Variants in IQCM observed in about 807,000 individuals in gnomAD.
The protein encoded by IQCM is IQ motif containing M.
In IQCM, 45 loss-of-function variants were observed where a neutral mutation model predicts 57.6. The ratio of observed to expected loss-of-function variants is 0.78; its 90% confidence interval spans 0.62 to 1.00. The LOEUF is 1.00. Among genes scored for constraint, IQCM ranks in the 50% least tolerant of loss-of-function variants. The pLI is 0.00. For missense variants in IQCM, 468 were observed against 511.6 expected (o/e 0.91, Z 0.82); for synonymous variants, 148 against 158.9 (o/e 0.93, Z 0.51).
At chr4:149,592,443 C>A (rs1561032679) in intron 8 of IQCM, among the ~76,000 whole-genome samples, 1 of 152,028 alleles carries the variant, frequency 6.6e-6, no homozygotes, top group Non-Finnish European at 1.5e-5. Context: ...TTCTGCTGTG[C>A]AGAAGCTCTT....
intron 5 of IQCM, among the ~76,000 whole-genome samples, chr4:149,715,307 T>C (rs933985594): frequency 2.6e-5 from 4 of 152,194 alleles, no homozygotes; most frequent in African/African-American, 9.6e-5. Context: ...AGCCACTGCA[T>C]ACAGTCAGTA....
At chr4:149,510,524 T>A (rs1234211263) in intron 12 of IQCM, among the ~76,000 whole-genome samples, 1 of 152,140 alleles carries the variant, frequency 6.6e-6, no homozygotes, top group African/African-American at 2.4e-5. Flanking sequence ...AATACTGAAA[T>A]CCCCTCACCT....
At chr4:149,670,905 C>A (rs1761204390) in intron 7 of IQCM, among the ~76,000 whole-genome samples, 1 of 151,002 alleles carries the variant, frequency 6.6e-6, no homozygotes, top group Admixed American at 6.6e-5. Flanking sequence ...ATTTTTACAT[C>A]AATGTTCATC....
At chr4:149,550,976 A>G (rs761950234) in intron 11 of IQCM, among the ~76,000 whole-genome samples, 14 of 152,160 alleles carry the variant, frequency 9.2e-5, no homozygotes, top group Non-Finnish European at 1.9e-4. Context: ...ATGTTAGCCT[A>G]TTCTCAACAA....
intron 12 of IQCM, among the ~76,000 whole-genome samples, chr4:149,523,504 T>C (rs933563736): frequency 4.6e-5 from 7 of 152,234 alleles, no homozygotes; most frequent in Non-Finnish European, 1.0e-4. Context: ...AATATGTTTA[T>C]GGAAAGTCAG....
At chr4:149,352,264 T>C (rs1289067957) in intron 13 of IQCM, among the ~76,000 whole-genome samples, 198 bp from the exon 14 acceptor site, 2 of 152,158 alleles carry the variant, frequency 1.3e-5, no homozygotes, top group Non-Finnish European at 2.9e-5. Flanking sequence ...AAAGTTACTG[T>C]TAGACCAAAG....
At chr4:149,448,610 A>C (rs1242295754) in intron 12 of IQCM, among the ~76,000 whole-genome samples, 1 of 151,810 alleles carries the variant, frequency 6.6e-6, no homozygotes, top group African/African-American at 2.4e-5. Context: ...CAAAAAAAGA[A>C]GACAAAAAAT....
chr4:149,480,529 G>A (rs1015801283), intron 12 of IQCM, among the ~76,000 whole-genome samples: 3 of 152,028 alleles, frequency 2.0e-5, no homozygotes, highest in African/African-American at 7.2e-5. Flanking sequence ...GTATTTCTGT[G>A]CCTGGTTTAT....
intron 8 of IQCM, among the ~76,000 whole-genome samples, chr4:149,591,461 T>A (rs1046880830): frequency 3.3e-5 from 5 of 152,100 alleles, no homozygotes; most frequent in African/African-American, 1.2e-4. Flanking sequence ...AAAGGTTTTT[T>A]TTTTTAATAC....
intron 13 of IQCM, among the ~76,000 whole-genome samples, chr4:149,384,691 C>A (rs1731295960): frequency 6.6e-6 from 1 of 151,996 alleles, no homozygotes; most frequent in African/African-American, 2.4e-5. Flanking sequence ...CCCTCTCTAA[C>A]TACACATGTA....
chr4:149,807,099 A>G (rs1774153582), intron 2 of IQCM, among the ~76,000 whole-genome samples: 1 of 151,976 alleles, frequency 6.6e-6, no homozygotes, highest in African/African-American at 2.4e-5. Context: ...AACAATCTAC[A>G]TATCCAACAC....
intron 9 of IQCM, among the ~76,000 whole-genome samples, chr4:149,570,874 T>C (rs1405417303): frequency 6.6e-6 from 1 of 151,894 alleles, no homozygotes; most frequent in Non-Finnish European, 1.5e-5. Context: ...GACATACAAA[T>C]TGCCAAAACA....
At chr4:149,579,145 A>G (rs2149980262) in intron 9 of IQCM, among the ~76,000 whole-genome samples, 1 of 151,830 alleles carries the variant, frequency 6.6e-6, no homozygotes, top group African/African-American at 2.4e-5. Context: ...TACATGCAGG[A>G]GTCACACCTA....
At chr4:149,815,134 A>G (rs1037836398) in intron 2 of IQCM, among the ~76,000 whole-genome samples, 177 bp downstream of exon 2, 3 of 151,994 alleles carry the variant, frequency 2.0e-5, no homozygotes, top group African/African-American at 4.8e-5. Flanking sequence ...AAAATCATTT[A>G]GCCTTTAAAA....
intron 7 of IQCM, among the ~76,000 whole-genome samples, chr4:149,622,198 TA>T (rs1344673917): frequency 1.3e-5 from 2 of 152,176 alleles, no homozygotes; most frequent in African/African-American, 4.8e-5. Flanking sequence ...AATCAGTACA[TA>T]AACATTCTGC....
At chr4:149,551,714 A>T (rs901996052) in intron 11 of IQCM, among the ~76,000 whole-genome samples, 3 of 63,046 alleles carry the variant, frequency 4.8e-5, no homozygotes, top group African/African-American at 2.6e-4. Flanking sequence ...ATAAACTACT[A>T]TTCATAAAAA....
intron 9 of IQCM, among the ~76,000 whole-genome samples, chr4:149,567,170 C>T (rs1750714036): frequency 1.3e-5 from 2 of 151,954 alleles, no homozygotes; most frequent in Admixed American, 6.6e-5. Context: ...TCTTTTTTCT[C>T]TTCTTTGTGA....
chr4:149,710,677 T>C (rs1764493068), intron 5 of IQCM, among the ~76,000 whole-genome samples: 1 of 152,170 alleles, frequency 6.6e-6, no homozygotes, highest in African/African-American at 2.4e-5. Flanking sequence ...CTTTAAAATA[T>C]CTGTATAACA....
chr4:149,450,860 G>T (rs904369596), intron 12 of IQCM, among the ~76,000 whole-genome samples: 1 of 151,690 alleles, frequency 6.6e-6, no homozygotes, highest in African/African-American at 2.4e-5. Flanking sequence ...CCACTGCTGG[G>T]TATATGCCCC....
Sources: allele counts gnomAD v4.1 joint callset (sites outside exome capture counted in the v4.1 genomes callset), GRCh38; gene constraint gnomAD v4.1.1; transcripts MANE v1.5; gene names NCBI Gene and HGNC (gene_info 2026-07-23, HGNC 2026-07-21).